GLMN: variants seen among roughly 807,000 people sequenced by gnomAD.
GLMN encodes glomulin, FKBP associated protein, also known as glomulin.
A neutral mutation model predicts 87.8 loss-of-function variants in GLMN; 75 were observed. That is an observed-to-expected ratio of 0.85 (90% confidence interval 0.71 to 1.04). The LOEUF is 1.04. GLMN is among the 50% of genes least tolerant of loss of function. GLMN has a pLI of 0.00. For synonymous variants in GLMN, 206 were observed against 221.6 expected, an observed-to-expected ratio of 0.93 and a Z score of 0.63; for missense variants, 588 against 658.8, an observed-to-expected ratio of 0.89 and a Z score of 1.18.
chr1:92,367,458 T>C, the GLMN span, among the ~76,000 whole-genome samples: 2 of 152,374 alleles, frequency 1.3e-5, no homozygotes, highest in South Asian at 2.1e-4. Context: ...ATTGAAGGTA[T>C]GGCTGTTTGA....
chr1:92,265,534 G>C (rs1169177173), intron 13 of GLMN, among the ~76,000 whole-genome samples: 11 of 152,072 alleles, frequency 7.2e-5, no homozygotes, highest in Non-Finnish European at 1.6e-4. Context: ...TCAACACTTT[G>C]GGAGGCTGAG....
intron 7 of GLMN, among the ~76,000 whole-genome samples, chr1:92,280,229 A>C (rs1647855077): frequency 2.0e-5 from 3 of 152,206 alleles, no homozygotes; most frequent in Admixed American, 1.3e-4. Context: ...AGACACCTCA[A>C]ACAGGCGGGT....
the GLMN span, among the ~76,000 whole-genome samples, chr1:92,316,042 C>T: frequency 2.0e-5 from 3 of 152,160 alleles, no homozygotes; most frequent in Non-Finnish European, 4.4e-5. Flanking sequence ...TCCTGTTTGG[C>T]TAAATGTAGG....
At position 92,291,373 on chromosome 1, in the gene GLMN, A is replaced by G. The variant is rs758730654; in HGVS notation, c.285+45T>C. On this transcript the variant is annotated intron_variant, in intron 4 of 18. Coordinates refer to ENST00000370360, the MANE Select transcript of GLMN (RefSeq NM_053274.3). ...TAAACATTAAAGGGAATTATAAAAT[A>G]CTGCTGTGTGTTATGATAAAGAGAA... 5.5e-6 allele frequency: 8 copies of G among 1,466,060 alleles called. No homozygotes were observed. In the Admixed American group the frequency reaches 1.3e-4, roughly 25 times the overall value. The allele number at this position is 1,466,060 out of a possible 1,614,324, so 90.8% of individuals were successfully genotyped here.
the GLMN span, among the ~76,000 whole-genome samples, chr1:92,340,443 T>C: frequency 1.3e-5 from 2 of 152,326 alleles, no homozygotes; most frequent in Middle Eastern, 3.4e-3. Flanking sequence ...TCAATACTGA[T>C]AGTGGGAAAG....
intron 16 of GLMN, among the ~76,000 whole-genome samples, chr1:92,262,388 G>A (rs1426697637): frequency 3.3e-5 from 5 of 152,096 alleles, no homozygotes; most frequent in Non-Finnish European, 7.4e-5. Context: ...CTAATGATGT[G>A]CTATTTTTAA....
chr1:92,293,069 G>A (rs1649606568), intron 3 of GLMN, among the ~76,000 whole-genome samples: 1 of 151,830 alleles, frequency 6.6e-6, no homozygotes, highest in African/African-American at 2.4e-5. Flanking sequence ...CATCTGACAA[G>A]AGATTAATAA....
At chr1:92,339,085 CAATTT>C in the GLMN span, among the ~76,000 whole-genome samples, 1 of 152,114 alleles carries the variant, frequency 6.6e-6, no homozygotes, top group African/African-American at 2.4e-5. Context: ...GGTTAACTAG[CAATTT>C]AATTTACTTT....
intron 13 of GLMN, among the ~76,000 whole-genome samples, chr1:92,265,557 C>T (rs575142253): frequency 6.6e-6 from 1 of 152,248 alleles, no homozygotes; most frequent in South Asian, 2.1e-4. Flanking sequence ...GGGTGAATCG[C>T]TTGAGCCCAG....
chr1:92,248,682 C>G (rs1653014180), intron 16 of GLMN, among the ~76,000 whole-genome samples: 1 of 152,098 alleles, frequency 6.6e-6, no homozygotes. Flanking sequence ...CCAATTTATT[C>G]TTAACTAGAA....
At chr1:92,300,056 T>A, upstream of GLMN, 1 of 622,978 alleles carries the variant, frequency 1.6e-6, no homozygotes. Flanking sequence ...TACTAAGTAC[T>A]GTAGGCAACT....
chr1:92,255,197 CAAG>C (rs1456511623), intron 16 of GLMN, among the ~76,000 whole-genome samples: 1 of 151,814 alleles, frequency 6.6e-6, no homozygotes, highest in African/African-American at 2.4e-5. Context: ...ATCAATGCAA[CAAG>C]AAGAGCTAAC....
the GLMN span, chr1:92,323,934 G>A: frequency 6.2e-7 from 1 of 1,614,170 alleles, no homozygotes; most frequent in Non-Finnish European, 8.5e-7. Flanking sequence ...AGCATTTTAA[G>A]AGAAAATTTG....
chr1:92,307,585 A>G, the GLMN span, among the ~76,000 whole-genome samples: 1 of 152,284 alleles, frequency 6.6e-6, no homozygotes, highest in Non-Finnish European at 1.5e-5. Context: ...TGGAGGAAGA[A>G]TGTTAAATTT....
intron 7 of GLMN, among the ~76,000 whole-genome samples, chr1:92,279,156 A>G (rs1397306241): frequency 6.6e-6 from 1 of 152,178 alleles, no homozygotes; most frequent in Non-Finnish European, 1.5e-5. Flanking sequence ...GTCACTTTGT[A>G]CATTAAAATC....
chr1:92,328,509 T>C, the GLMN span, among the ~76,000 whole-genome samples: 16 of 152,352 alleles, frequency 1.1e-4, no homozygotes, highest in South Asian at 2.9e-3. Context: ...TAGTTTTTTA[T>C]TTATGCTATC....
the GLMN span, among the ~76,000 whole-genome samples, chr1:92,310,811 C>T: frequency 5.3e-5 from 8 of 152,006 alleles, no homozygotes; most frequent in South Asian, 2.1e-4. Context: ...TAAGAAGAAC[C>T]GCTTGAACCT....
chr1:92,283,372 A>G (rs1399245585), intron 7 of GLMN, among the ~76,000 whole-genome samples: 2 of 152,236 alleles, frequency 1.3e-5, no homozygotes, highest in African/African-American at 2.4e-5. Context: ...CAAAAACCAC[A>G]TGATTATCTT....
At chr1:92,250,509 C>T (rs189009125) in intron 16 of GLMN, among the ~76,000 whole-genome samples, 538 of 152,234 alleles carry the variant, frequency 3.5e-3, no homozygotes, top group Non-Finnish European at 6.0e-3. Context: ...TGTATGTTTT[C>T]CCATTCACAC....
Sources: allele counts gnomAD v4.1 joint callset (sites outside exome capture counted in the v4.1 genomes callset), GRCh38; gene constraint gnomAD v4.1.1; transcripts MANE v1.5; gene names NCBI Gene and HGNC (gene_info 2026-07-23, HGNC 2026-07-21).